The following OTOF variants were observed in gnomAD, a reference collection of about 807,000 sequenced individuals.
OTOF encodes otoferlin, also known as fer-1-like family member 2.
OTOF carries 218 observed loss-of-function variants against 236.8 expected under a neutral mutation model. That is an observed-to-expected ratio of 0.92 (90% CI 0.82 to 1.03). The LOEUF (loss-of-function observed/expected upper bound fraction) is 1.03. Ranked by LOEUF, OTOF falls within the 50% of genes least tolerant of loss-of-function variation. The pLI is 0.00. For synonymous variants in OTOF, 1,041 were observed against 1,072.5 expected, an observed-to-expected ratio of 0.97 and a Z score of 0.57; for missense variants, 2,590 against 2,694.4, an observed-to-expected ratio of 0.96 and a Z score of 0.86.
At position 26,467,084 on chromosome 2, in the gene OTOF, T is replaced by C; in HGVS notation, c.4362+15A>G. The C allele has an allele frequency of 6.2e-7, 1 of 1,611,654 alleles. No individual in the cohort carries two copies. The highest frequency in any genetic ancestry group is 8.5e-7 in the Non-Finnish European group (1 of 1,179,834). On this transcript the variant is annotated intron_variant, in intron 35 of 46. Transcript: ENST00000272371. ...CTGGCGGGTGCTCAGGCTGGGCCCG[T>C]GCTCCTGGCCTGACCTTGAAGCGTC...
chr2:26,548,343 C>G (rs1667382378), intron 1 of OTOF, among the ~76,000 whole-genome samples: 1 of 151,958 alleles, frequency 6.6e-6, no homozygotes, highest in African/African-American at 2.4e-5. Flanking sequence ...ATTCACATTC[C>G]ATAACATTCA....
At position 26,466,147 on chromosome 2, in the gene OTOF, G is replaced by T. The variant is rs1278892873; in HGVS notation, c.4501-71C>A. The T allele has an allele frequency of 3.1e-6, 5 of 1,592,360 alleles. No homozygotes were observed. In the South Asian group the frequency reaches 3.3e-5, roughly 11 times the overall value. On this transcript the variant is annotated intron_variant, in intron 36 of 46. Transcript: ENST00000272371. ...TCATCTTCAGTGCCCCTGCCAGGCTGCCTGAGGGTCCTATGACAGTGAAGG... is the reference window on the plus strand; with the variant it reads ...TCATCTTCAGTGCCCCTGCCAGGCTTCCTGAGGGTCCTATGACAGTGAAGG...
At position 26,537,902 on chromosome 2, in the gene OTOF, C is replaced by G. The variant is rs77131099; in HGVS notation, c.80-128G>C. ...TTTCATGCAACATGGGACCTCGTGG[C>G]TTGCTCACCTCTCCCAGGGTGAGGC... On this transcript the variant is annotated intron_variant, in intron 1 of 46. Coordinates refer to ENST00000272371, the MANE Select transcript of OTOF (RefSeq NM_194248.3). The G allele has an allele frequency of 4.1e-3, 3,018 of 737,530 alleles. 71 individuals are homozygous for G. The African/African-American group carries it at 0.046, about 11-fold the overall frequency. 45.7% of individuals were successfully genotyped at this position (737,530 alleles called of 1,614,324 possible).
chr2:26,522,641 C>T (rs1003457679), intron 3 of OTOF, among the ~76,000 whole-genome samples: 5 of 152,186 alleles, frequency 3.3e-5, no homozygotes, highest in African/African-American at 7.2e-5. Flanking sequence ...CTCATATGCT[C>T]CTTAGACAGC....
At chr2:26,482,345 T>C in intron 14 of OTOF, 61 bp downstream of exon 14, 3 of 1,480,820 alleles carry the variant, frequency 2.0e-6, no homozygotes, top group South Asian at 2.3e-5. Context: ...GCATCTCACA[T>C]ATTCCTTCCC....
chr2:26,502,442 G>T lies in OTOF; in HGVS notation c.584-16C>A. On this transcript the variant is annotated splice_polypyrimidine_tract_variant and intron_variant, in intron 6 of 46. Coordinates refer to ENST00000272371, the MANE Select transcript of OTOF (RefSeq NM_194248.3). Reference sequence around the variant, plus strand: ...GCCGGTTCATCTGGGGAAGATGAAAGACTGGTTAGGTGGGCTGACTGATGG... The same window carrying T: ...GCCGGTTCATCTGGGGAAGATGAAATACTGGTTAGGTGGGCTGACTGATGG... The T allele has an allele frequency of 6.2e-7, 1 of 1,610,572 alleles. No individual in the cohort carries two copies. The highest frequency in any genetic ancestry group is 8.5e-7 in the Non-Finnish European group (1 of 1,178,864).
chr2:26,492,015 A>G (rs1011599211), intron 9 of OTOF, among the ~76,000 whole-genome samples: 17 of 152,254 alleles, frequency 1.1e-4, no homozygotes, highest in African/African-American at 4.1e-4. Context: ...ACCAGCTCAG[A>G]TAATTAGTCA....
intron 5 of OTOF, among the ~76,000 whole-genome samples, chr2:26,512,169 G>T (rs1329486547): frequency 6.6e-6 from 1 of 152,208 alleles, no homozygotes; most frequent in Non-Finnish European, 1.5e-5. Context: ...GGAGGTGGGG[G>T]TCGTGGAGGG....
At chr2:26,550,759 G>T (rs1354339854) in intron 1 of OTOF, among the ~76,000 whole-genome samples, 1 of 152,148 alleles carries the variant, frequency 6.6e-6, no homozygotes, top group Non-Finnish European at 1.5e-5. Context: ...CCTGCCCCGG[G>T]CTTCCTCCCC....
Position 26,461,623 on chromosome 2 carries a change from T to G in OTOF, c.5533+73A>C. 6.3e-7 allele frequency: 1 copy of G among 1,594,580 alleles called. No individual in the cohort carries two copies. The highest frequency in any genetic ancestry group is 1.1e-5 in the South Asian group (1 of 90,644). On this transcript the variant is annotated intron_variant, in intron 43 of 46. Coordinates refer to ENST00000272371, the MANE Select transcript of OTOF (RefSeq NM_194248.3). The surrounding 1 kb of genome is among the most constrained non-coding windows in gnomAD (Gnocchi z 6.2). ...TGTCCCCCCAAGGCAGGGCTCTCCC[T>G]GTCCCCGCCAACCCGGCCCCTGCCT...
Position 26,477,534 on chromosome 2 carries a change from C to A in OTOF, c.2316-28G>T, listed in dbSNP as rs746103191. 5 of 1,595,914 alleles carry A rather than the reference C, an allele frequency of 3.1e-6. No homozygotes were observed. In the African/African-American group the frequency reaches 6.7e-5, roughly 21 times the overall value. On this transcript the variant is annotated intron_variant, in intron 19 of 46. Transcript: ENST00000272371. The surrounding 1 kb of genome is among the most constrained non-coding windows in gnomAD (Gnocchi z 4.7). ...GGGGGTAGGGCGAGCCGGGGTTTAG[C>A]GAGCCTGACCAGCAGGGGCTCTGTA...
At chr2:26,490,188 C>T (rs1665806100) in intron 9 of OTOF, among the ~76,000 whole-genome samples, 1 of 152,198 alleles carries the variant, frequency 6.6e-6, no homozygotes. Context: ...TTATGAGGCT[C>T]TGATGAGACA....
intron 1 of OTOF, among the ~76,000 whole-genome samples, chr2:26,549,202 A>C (rs1346818722): frequency 6.6e-6 from 1 of 152,146 alleles, no homozygotes; most frequent in Non-Finnish European, 1.5e-5. Flanking sequence ...TAATCTTCTT[A>C]TTATTGATTT....
At chr2:26,529,655 G>C (rs778771410) in intron 2 of OTOF, among the ~76,000 whole-genome samples, 6 of 152,226 alleles carry the variant, frequency 3.9e-5, no homozygotes, top group Non-Finnish European at 7.3e-5. Context: ...CACTGGGCCA[G>C]CACCGCGGGT....
intron 46 of OTOF, among the ~76,000 whole-genome samples, chr2:26,459,348 C>G (rs879307997): frequency 1.5e-4 from 23 of 152,142 alleles, no homozygotes; most frequent in South Asian, 2.1e-4. Flanking sequence ...GTCAGGAGAT[C>G]GAGACCATCC....
rs767261797 is a variant in OTOF, at chr2:26,476,984, G to A, written c.2583C>T (p.Ala861=). The change falls in exon 22 of 47, where the codon GCC becomes GCT. Residue 861 remains alanine, a synonymous_variant. Transcript: ENST00000272371. ...GGTCCTTGGAGGGCACACGGGCATA[G>A]GCGACACGCTTGTTGTTGCTCATCA... ...IWMMSNNKRV[A]YARVPSKDLL... is the part of the protein sequence containing the mutation. 5.0e-6 allele frequency: 8 copies of A among 1,611,928 alleles called. No homozygotes were observed. In the East Asian group the frequency reaches 1.8e-4, roughly 36 times the overall value.
rs754784459 is a variant in OTOF at position 26,527,890 on chromosome 2, C to T, written c.169G>A (p.Asp57Asn). The T allele has an allele frequency of 5.1e-5, 83 of 1,614,074 alleles. 2 individuals carry two copies. In the Admixed American group the frequency reaches 1.1e-3, roughly 21 times the overall value. Residue 57 changes from aspartate to asparagine, a missense_variant, in exon 3 of 47, where the codon GAC becomes AAC. Physicochemically the swap from Asp to Asn is conservative, Grantham distance 23. Around this residue, in one of 2 missense-constraint regions of OTOF, gnomAD observed 1,379 missense variants for 1,341.6 expected, o/e 1.03. Coordinates refer to ENST00000272371, the MANE Select transcript of OTOF (RefSeq NM_194248.3). ...TFRWPVASSI[D>N]RNEMLEIQVF... ...TGAATCTCCAGCATCTCATTTCTGT[C>T]GATGCTGCTGGCCACCGGCCACCGA...
At chr2:26,536,011 G>A (rs1667061949) in intron 2 of OTOF, among the ~76,000 whole-genome samples, 1 of 152,228 alleles carries the variant, frequency 6.6e-6, no homozygotes, top group Non-Finnish European at 1.5e-5. Flanking sequence ...TGGGAGGAGG[G>A]AGTCAGATGC....
intron 10 of OTOF, among the ~76,000 whole-genome samples, 157 bp downstream of exon 10, chr2:26,489,521 G>C (rs1665785315): frequency 6.6e-6 from 1 of 152,180 alleles, no homozygotes; most frequent in Admixed American, 6.5e-5. Context: ...GGTGGGTGGG[G>C]GCCAGAATCC....
Sources: gnomAD v4.1 joint callset for allele counts (sites outside exome capture counted in the v4.1 genomes callset) on GRCh38, gnomAD v4.1.1 for gene constraint, gnomAD v4.1.1 regional missense constraint, Gnocchi (gnomAD v3.1) non-coding constraint, MANE v1.5 for transcripts, NCBI Gene and HGNC (gene_info 2026-07-23, HGNC 2026-07-21) for gene names.